SPIDR: variants seen among roughly 807,000 people sequenced by gnomAD.
SPIDR encodes the protein DNA repair-scaffolding protein.
In SPIDR, 93 loss-of-function variants were observed where a neutral mutation model predicts 104.6. That is an observed-to-expected ratio of 0.89 (90% CI 0.75 to 1.06). SPIDR has a LOEUF of 1.06. Among genes scored for constraint, SPIDR ranks in the 50% least tolerant of loss-of-function variants. The pLI is 0.00. For missense variants in SPIDR, 1,154 were observed against 1,111.2 expected (o/e 1.04, Z -0.55); for synonymous variants, 431 against 416.9 (o/e 1.03, Z -0.41).
intron 8 of SPIDR, among the ~76,000 whole-genome samples, chr8:47,499,202 A>G (rs1447235283): frequency 6.6e-6 from 1 of 152,234 alleles, no homozygotes; most frequent in Non-Finnish European, 1.5e-5. Context: ...AGAGTACGTA[A>G]CACATTGCTT....
chr8:47,275,667 T>C (rs2036276500), intron 1 of SPIDR, among the ~76,000 whole-genome samples: 1 of 152,206 alleles, frequency 6.6e-6, no homozygotes, highest in African/African-American at 2.4e-5. Context: ...TGGAAGATAA[T>C]GTCTAATCAG....
intron 5 of SPIDR, chr8:47,294,284 G>C: frequency 2.5e-6 from 1 of 396,716 alleles, no homozygotes; most frequent in Non-Finnish European, 4.4e-6. Flanking sequence ...TTTTTATCCT[G>C]CTATTCTTCC....
At chr8:47,648,573 T>TA (rs1490917335) in intron 10 of SPIDR, among the ~76,000 whole-genome samples, 10 of 152,232 alleles carry the variant, frequency 6.6e-5, no homozygotes, top group African/African-American at 2.4e-4. Flanking sequence ...GGGACAGTGA[T>TA]ACGTCAGTAG....
At chr8:47,321,732 G>A (rs1424397995) in intron 5 of SPIDR, among the ~76,000 whole-genome samples, 2 of 152,128 alleles carry the variant, frequency 1.3e-5, no homozygotes, top group East Asian at 3.9e-4. Context: ...GCATGGTACT[G>A]GTACCGAAAC....
At chr8:47,318,810 AT>A (rs1563595415) in intron 5 of SPIDR, among the ~76,000 whole-genome samples, 1 of 142,638 alleles carries the variant, frequency 7.0e-6, no homozygotes, top group African/African-American at 2.6e-5. Flanking sequence ...AAAGACAAGA[AT>A]TTTCAACCCA....
At chr8:47,282,656 A>G (rs1456587767) in intron 2 of SPIDR, among the ~76,000 whole-genome samples, 1 of 152,176 alleles carries the variant, frequency 6.6e-6, no homozygotes, top group Non-Finnish European at 1.5e-5. Flanking sequence ...AGATTGCTAA[A>G]ACTTTCTATT....
chr8:47,601,785 T>C (rs1164668452), intron 10 of SPIDR, among the ~76,000 whole-genome samples: 4 of 152,128 alleles, frequency 2.6e-5, no homozygotes, highest in Admixed American at 2.6e-4. Context: ...GAAGTGCAAG[T>C]GTTTTGCCCT....
intron 5 of SPIDR, among the ~76,000 whole-genome samples, chr8:47,298,726 C>G (rs2041409348): frequency 6.6e-6 from 1 of 152,148 alleles, no homozygotes; most frequent in African/African-American, 2.4e-5. Flanking sequence ...TTCCCCATTT[C>G]TTGTTTTTGT....
chr8:47,685,112 T>TGAGGCC (rs1381306370), intron 11 of SPIDR, among the ~76,000 whole-genome samples: 1 of 152,172 alleles, frequency 6.6e-6, no homozygotes, highest in African/African-American at 2.4e-5. Flanking sequence ...TTTGGGAGGC[T>TGAGGCC]GAGGCCGGAG....
chr8:47,473,978 C>T (rs1554722423), intron 8 of SPIDR, among the ~76,000 whole-genome samples: 3 of 152,078 alleles, frequency 2.0e-5, no homozygotes, highest in African/African-American at 7.2e-5. Flanking sequence ...TGGTGTTCAC[C>T]CAACAATAGT....
intron 8 of SPIDR, among the ~76,000 whole-genome samples, chr8:47,515,137 G>C (rs756131258): frequency 3.9e-5 from 6 of 152,134 alleles, no homozygotes; most frequent in Admixed American, 2.6e-4. Context: ...CTCCACATCT[G>C]ACCCCCACTA....
At position 47,396,416 on chromosome 8, in the gene SPIDR, A is replaced by G. The variant is rs1298682292; in HGVS notation, c.566A>G (p.Glu189Gly). Residue 189 changes from glutamate to glycine, a missense_variant, in exon 6 of 20, where the codon GAA (glutamate) becomes GGA (glycine). By Grantham distance (98) the Glu-to-Gly change is moderately conservative (BLOSUM62 -2). Transcript: ENST00000297423. ...IEILEYSSDS[E>G]KEDDLENVLL... ...ATTTTAGAGTATTCATCAGATAGTG[A>G]AAAAGAAGATGATTTGGAAAATGTC... 14 of 1,612,624 alleles carry G rather than the reference A, an allele frequency of 8.7e-6. No homozygotes were observed. The highest frequency in any genetic ancestry group is 1.2e-5 in the Non-Finnish European group (14 of 1,178,766).
intron 14 of SPIDR, among the ~76,000 whole-genome samples, chr8:47,708,108 T>C (rs1026584307): frequency 5.3e-5 from 8 of 152,210 alleles, no homozygotes; most frequent in African/African-American, 9.6e-5. Flanking sequence ...GAAACCAGCC[T>C]GGCCAATGTG....
intron 10 of SPIDR, among the ~76,000 whole-genome samples, chr8:47,647,230 G>T (rs957547764): frequency 3.9e-5 from 6 of 152,226 alleles, no homozygotes; most frequent in African/African-American, 1.4e-4. Flanking sequence ...GATACAGCAA[G>T]AAATAAGGGC....
intron 8 of SPIDR, among the ~76,000 whole-genome samples, chr8:47,579,472 A>G (rs1342406982): frequency 2.6e-5 from 4 of 152,232 alleles, no homozygotes; most frequent in Admixed American, 2.0e-4. Context: ...AATCTGGGTC[A>G]TGCAACCCAG....
chr8:47,679,523 C>T (rs552948632), intron 11 of SPIDR, among the ~76,000 whole-genome samples: 1 of 151,416 alleles, frequency 6.6e-6, no homozygotes, highest in Admixed American at 6.6e-5. Context: ...CAGTGCTGGC[C>T]TGTGCCAGGT....
chr8:47,542,752 A>T (rs2088475697), intron 8 of SPIDR, among the ~76,000 whole-genome samples: 1 of 152,162 alleles, frequency 6.6e-6, no homozygotes, highest in Non-Finnish European at 1.5e-5. Context: ...ACAATGTAAA[A>T]ACCAGATCTT....
intron 5 of SPIDR, among the ~76,000 whole-genome samples, chr8:47,360,244 CA>C (rs1186187617): frequency 3.6e-4 from 14 of 38,956 alleles, no homozygotes; most frequent in African/African-American, 8.9e-4. Flanking sequence ...GACTCCATCT[CA>C]AAAAAAAAAA....
intron 7 of SPIDR, among the ~76,000 whole-genome samples, chr8:47,430,032 A>C (rs897673971): frequency 6.6e-6 from 1 of 152,004 alleles, no homozygotes; most frequent in Non-Finnish European, 1.5e-5. Flanking sequence ...CCCATGTGAA[A>C]GTCTCTCTCA....
Sources: gnomAD v4.1 joint callset for allele counts (sites outside exome capture counted in the v4.1 genomes callset) on GRCh38, gnomAD v4.1.1 for gene constraint, MANE v1.5 for transcripts, NCBI Gene and HGNC (gene_info 2026-07-23, HGNC 2026-07-21) for gene names.